NID2: variants seen among roughly 807,000 people sequenced by gnomAD.
NID2 encodes nidogen 2, also known as nidogen-2.
A neutral mutation model predicts 145.4 loss-of-function variants in NID2; 83 were observed. The observed-to-expected ratio is 0.57, with a 90% CI of 0.48 to 0.69. The LOEUF is 0.69. NID2 is among the 30% of genes least tolerant of loss of function. The pLI, the probability that NID2 is intolerant of heterozygous loss-of-function variation, is 0.00. For synonymous variants in NID2, 739 were observed against 701.3 expected, an observed-to-expected ratio of 1.05 and a Z score of -0.85; for missense variants, 1,807 against 1,765.7, an observed-to-expected ratio of 1.02 and a Z score of -0.42.
At chr14:52,007,581 C>T in intron 19 of NID2, 1 of 497,260 alleles carries the variant, frequency 2.0e-6, no homozygotes, top group East Asian at 3.7e-5. Flanking sequence ...CACTCATGGT[C>T]AGGCAAGCAG....
At chr14:52,011,726 T>A in intron 16 of NID2, 43 bp from the exon 17 acceptor site, 6 of 1,610,646 alleles carry the variant, frequency 3.7e-6, no homozygotes, top group Non-Finnish European at 5.1e-6. Context: ...TAGGTTACAT[T>A]TCCCCTTTGT....
intron 14 of NID2, among the ~76,000 whole-genome samples, chr14:52,018,189 A>C (rs1400870738): frequency 6.6e-6 from 1 of 152,258 alleles, no homozygotes; most frequent in Admixed American, 6.5e-5. Context: ...ACACATTAAA[A>C]GCCAAGACTA....
At chr14:52,031,436 G>C (rs927458996) in intron 9 of NID2, among the ~76,000 whole-genome samples, 2 of 152,106 alleles carry the variant, frequency 1.3e-5, no homozygotes, top group Admixed American at 6.5e-5. Flanking sequence ...TCAGTCCCTA[G>C]AATTAACTCT....
At position 52,068,821 on chromosome 14, in the gene NID2, C is replaced by T; in HGVS notation, c.174G>A (p.Val58=). ...AGTGCAGGGGATTCGCCAGCTTCAC[C>T]ACGGCTGAGCTTTCGTCGTCGCCTT... ...LQEGDDESSA[V]VKLANPLHFY... Residue 58 remains valine, a synonymous_variant, in exon 1 of 22, where the codon GTG becomes GTA. Transcript: ENST00000216286. 6.2e-7 allele frequency: 1 copy of T among 1,611,470 alleles called. No individual in the cohort carries two copies. Among genetic ancestry groups the T allele is most frequent in the Non-Finnish European group, 8.5e-7 (1 of 1,179,978 alleles).
rs1273177240 is a variant in NID2, at chr14:52,005,009, T to C, written c.*477A>G. 6.4e-6 allele frequency: 1 copy of C among 157,358 alleles called. No homozygotes were observed. Among genetic ancestry groups the C allele is most frequent in the Non-Finnish European group, 1.4e-5 (1 of 71,494 alleles). 9.7% of individuals were successfully genotyped at this position (157,358 alleles called of 1,614,324 possible). On this transcript the variant is annotated 3_prime_UTR_variant, in exon 22 of 22. Coordinates refer to ENST00000216286, the MANE Select transcript of NID2 (RefSeq NM_007361.4). The stretch of plus-strand genomic sequence containing the variant: ...GCAGAGGTAAAAAATCTTAGAACTT[T>C]TGTTGGGAAACTATAAATAATTGGT...
At chr14:52,020,880 A>C (rs1891381460) in intron 12 of NID2, among the ~76,000 whole-genome samples, 1 of 152,248 alleles carries the variant, frequency 6.6e-6, no homozygotes, top group Non-Finnish European at 1.5e-5. Flanking sequence ...ACATAGCACC[A>C]TGAGGATTAA....
At position 52,011,568 on chromosome 14, in the gene NID2, G is replaced by T. The variant is rs368272264; in HGVS notation, c.3536C>A (p.Thr1179Lys). 1 of 1,614,038 alleles carries T rather than the reference G, an allele frequency of 6.2e-7. No individual in the cohort carries two copies. The highest frequency in any genetic ancestry group is 8.5e-7 in the Non-Finnish European group (1 of 1,180,036). The change falls in exon 17 of 22, where the codon ACG (threonine) becomes AAG (lysine). Residue 1179 changes from threonine to lysine, a missense_variant. Physicochemically the swap from Thr to Lys is moderately conservative, Grantham distance 78. Transcript: ENST00000216286. ...AAGCTGCTGACCTGAATTCACGATC[G>T]TCTCAGGCTCTGCTCCCAGTTCCAG... The part of the protein sequence containing the change: ...AGLELGAEPE[T>K]IVNSGLISPE...
At chr14:52,023,404 G>C (rs971309727) in intron 12 of NID2, among the ~76,000 whole-genome samples, 3 of 151,510 alleles carry the variant, frequency 2.0e-5, no homozygotes, top group African/African-American at 7.3e-5. Context: ...GCAGTGAGCT[G>C]TAATCACACC....
At chr14:52,019,415 AT>A in intron 13 of NID2, 121 bp from the exon 14 acceptor site, 2 of 682,806 alleles carry the variant, frequency 2.9e-6, no homozygotes, top group Non-Finnish European at 4.8e-6. Flanking sequence ...CGAGATTCTT[AT>A]TTTATAATAC....
In NID2 at chr14:52,068,955, A is replaced by G; in HGVS notation, c.40T>C (p.Ser14Pro). ...GGCAGCAGCAGTAGCACTGGTAACGACGACAGCACCGGCCGCCCGGCCACC... is the reference window on the plus strand; with the variant it reads ...GGCAGCAGCAGTAGCACTGGTAACGGCGACAGCACCGGCCGCCCGGCCACC... ...DRVAGRPVLS[S>P]LPVLLLLPLL... The change falls in exon 1 of 22, where the codon TCG becomes CCG. Residue 14 changes from serine to proline, a missense_variant. Transcript: ENST00000216286. 1 of 1,613,190 alleles carries G rather than the reference A, an allele frequency of 6.2e-7. No homozygotes were observed. Among genetic ancestry groups the G allele is most frequent in the Non-Finnish European group, 8.5e-7 (1 of 1,179,744 alleles).
Position 52,006,737 on chromosome 14 carries a change from A to C in NID2, c.3881-77T>G. The C allele has an allele frequency of 3.4e-6, 5 of 1,479,796 alleles. No homozygotes were observed. The South Asian group carries it at 5.9e-5, about 17-fold the overall frequency. The allele number at this position is 1,479,796 out of a possible 1,614,324, so 91.7% of individuals were successfully genotyped here. On this transcript the variant is annotated intron_variant, in intron 19 of 21. Transcript: ENST00000216286. ...GATAGTGACATAGTGATAGTGACAC[A>C]GTGATAGAATGGGGAAATAGGATAT...
rs751185954 is a variant in NID2 at position 52,042,111 on chromosome 14, G to A, written c.1819C>T (p.Leu607Phe). The A allele has an allele frequency of 9.4e-6, 15 of 1,593,776 alleles. No homozygotes were observed. In the South Asian group the frequency reaches 1.1e-4, roughly 12 times the overall value. ...TCTCAGAGGCCCTACTCACCTGCGA[G>A]GCTGAAGCCGTTCTCAGAGCCAGGT... Reference protein sequence around the residue: ...EKPGSENGFSLAGAAFTHDME... With the variant: ...EKPGSENGFSFAGAAFTHDME... Residue 607 changes from leucine to phenylalanine, a missense_variant, in exon 7 of 22, where the codon CTC (leucine) becomes TTC (phenylalanine). Physicochemically the swap from Leu to Phe is conservative, Grantham distance 22 (BLOSUM62 0). Coordinates refer to ENST00000216286, the MANE Select transcript of NID2 (RefSeq NM_007361.4).
chr14:52,007,676 T>C (rs1415698554), intron 19 of NID2, 134 bp downstream of exon 19: 6 of 810,110 alleles, frequency 7.4e-6, no homozygotes, highest in Non-Finnish European at 8.1e-6. Flanking sequence ...TACTTAAATT[T>C]ACTAGTACTT....
At chr14:52,028,949 A>G (rs1891698017) in intron 10 of NID2, 99 bp from the exon 11 acceptor site, 3 of 1,130,172 alleles carry the variant, frequency 2.7e-6, no homozygotes, top group East Asian at 2.6e-5. Context: ...TGATGCTTCA[A>G]TGGGACAAAT....
intron 2 of NID2, among the ~76,000 whole-genome samples, chr14:52,067,445 G>A (rs149194817): frequency 1.0e-3 from 153 of 152,316 alleles, no homozygotes; most frequent in African/African-American, 3.4e-3. Context: ...TTTATCAGTG[G>A]TGGGAAAATG....
intron 20 of NID2, 182 bp downstream of exon 20, chr14:52,006,355 T>TCAAAAACATGA: frequency 1.6e-6 from 1 of 631,952 alleles, no homozygotes; most frequent in Non-Finnish European, 2.7e-6. Context: ...AAGGATGATT[T>TCAAAAACATGA]CAAAAACATG....
At chr14:52,046,660 A>G (rs924360745) in intron 5 of NID2, among the ~76,000 whole-genome samples, 11 of 152,198 alleles carry the variant, frequency 7.2e-5, no homozygotes, top group African/African-American at 2.7e-4. Flanking sequence ...GCTGTACTAC[A>G]TTTTTCTATT....
intron 12 of NID2, among the ~76,000 whole-genome samples, chr14:52,024,113 A>G (rs982135006): frequency 6.6e-6 from 1 of 152,238 alleles, no homozygotes; most frequent in Non-Finnish European, 1.5e-5. Context: ...ATGACCATTC[A>G]TTCTCTACTA....
At chr14:52,030,568 G>GAACA (rs1555363723) in intron 9 of NID2, among the ~76,000 whole-genome samples, 3 of 37,696 alleles carry the variant, frequency 8.0e-5, no homozygotes, top group African/African-American at 2.8e-4. Flanking sequence ...AAGAAAGAAA[G>GAACA]GAAGGAAGGG....
Sources: allele counts gnomAD v4.1 joint callset (sites outside exome capture counted in the v4.1 genomes callset), GRCh38; gene constraint gnomAD v4.1.1; transcripts MANE v1.5; gene names NCBI Gene and HGNC (gene_info 2026-07-23, HGNC 2026-07-21).